The following FBXO36 variants were observed in gnomAD, a reference collection of about 807,000 sequenced individuals.
The protein encoded by FBXO36 is F-box protein 36.
Under a neutral mutation model 17.0 loss-of-function variants are expected in FBXO36, and 18 were observed. The ratio of observed to expected loss-of-function variants is 1.06; its 90% CI spans 0.73 to 1.57. The LOEUF (loss-of-function observed/expected upper bound fraction) is 1.57, where lower values mean the gene tolerates loss of function less well. Among genes scored for constraint, FBXO36 ranks in the 40% most tolerant of loss-of-function variants. The pLI, the probability that FBXO36 is intolerant of heterozygous loss-of-function variation, is 0.00. For missense variants in FBXO36, 229 were observed against 221.9 expected, an observed-to-expected ratio of 1.03 and a Z score of -0.20; for synonymous variants, 83 against 85.3, an observed-to-expected ratio of 0.97 and a Z score of 0.15.
At chr2:229,937,107 A>G (rs2076967956) in intron 1 of FBXO36, among the ~76,000 whole-genome samples, 1 of 152,146 alleles carries the variant, frequency 6.6e-6, no homozygotes, top group South Asian at 2.1e-4. Context: ...AAAGAAAACA[A>G]TGCTAATTAA....
intron 1 of FBXO36, among the ~76,000 whole-genome samples, chr2:229,969,685 GA>G (rs2077171785): frequency 6.6e-6 from 1 of 151,852 alleles, no homozygotes; most frequent in South Asian, 2.1e-4. Flanking sequence ...CTCTGTCTCA[GA>G]AAAATAAAAA....
At chr2:229,930,525 C>A (rs2106153667) in intron 1 of FBXO36, among the ~76,000 whole-genome samples, 1 of 152,068 alleles carries the variant, frequency 6.6e-6, no homozygotes, top group East Asian at 1.9e-4. Context: ...TCAAGGTGGG[C>A]AGATCACCTG....
At chr2:229,985,875 A>C (rs540384987) in intron 2 of FBXO36, among the ~76,000 whole-genome samples, 2 of 151,880 alleles carry the variant, frequency 1.3e-5, no homozygotes, top group African/African-American at 4.8e-5. Flanking sequence ...ATAGTGAGAC[A>C]CTGTCTATAC....
chr2:229,961,221 A>G (rs2077119119), intron 1 of FBXO36, among the ~76,000 whole-genome samples: 3 of 152,086 alleles, frequency 2.0e-5, no homozygotes, highest in Admixed American at 2.0e-4. Flanking sequence ...TTCCATATAT[A>G]CCTGAAGATA....
intron 1 of FBXO36, among the ~76,000 whole-genome samples, chr2:229,972,276 G>A (rs1174724647): frequency 6.6e-6 from 1 of 152,164 alleles, no homozygotes; most frequent in Non-Finnish European, 1.5e-5. Flanking sequence ...GGGATTACAG[G>A]CATGAGCCAC....
Position 230,005,744 on chromosome 2 carries a change from T to C in FBXO36, c.379-4952T>C, listed in dbSNP as rs141653087. Among the ~76,000 whole-genome samples, 3 of 152,318 alleles carry C rather than the reference T, an allele frequency of 2.0e-5. No individual in the cohort carries two copies. The East Asian group carries it at 5.8e-4, about 29-fold the overall frequency. On this transcript the variant is annotated intron_variant, in intron 3 of 3. Coordinates refer to ENST00000283946, the MANE Select transcript of FBXO36 (RefSeq NM_174899.5). ...GTGCAGTGGCACAATCTTCGTTCAT[T>C]GCAGCCTCCGCCTCCCAGATTCCAG... is the stretch of plus-strand genomic sequence containing the variant.
intron 2 of FBXO36, among the ~76,000 whole-genome samples, chr2:229,982,817 A>C (rs1402000860): frequency 1.3e-5 from 2 of 150,682 alleles, no homozygotes; most frequent in Non-Finnish European, 2.9e-5. Context: ...TAATTTAATC[A>C]CATCTGCACA....
chr2:229,984,453 T>A (rs112625541), intron 2 of FBXO36, among the ~76,000 whole-genome samples: 5,483 of 55,660 alleles, frequency 0.099, 366 homozygotes, highest in African/African-American at 0.28. Flanking sequence ...TGCAGTGGCG[T>A]GATCTCGGCT....
At chr2:229,957,954 T>C (rs1309525573) in intron 1 of FBXO36, among the ~76,000 whole-genome samples, 1 of 152,162 alleles carries the variant, frequency 6.6e-6, no homozygotes, top group Non-Finnish European at 1.5e-5. Flanking sequence ...AAGTTGTAAA[T>C]AGTAACTTTT....
chr2:229,978,976 A>G (rs2077224177), intron 2 of FBXO36, among the ~76,000 whole-genome samples: 1 of 152,026 alleles, frequency 6.6e-6, no homozygotes. Flanking sequence ...CAGGAGTTTG[A>G]GACCAGCCTG....
At chr2:229,951,190 C>T (rs1352871953) in intron 1 of FBXO36, among the ~76,000 whole-genome samples, 2 of 152,176 alleles carry the variant, frequency 1.3e-5, no homozygotes, top group African/African-American at 2.4e-5. Flanking sequence ...ACCTCAGCCT[C>T]CCAAAGTGCT....
chr2:229,927,129 G>C (rs2076917092), intron 1 of FBXO36, among the ~76,000 whole-genome samples: 1 of 152,182 alleles, frequency 6.6e-6, no homozygotes. Context: ...CAAAGTTCTG[G>C]GATTACAGGG....
At chr2:229,939,050 TG>T (rs2076982669) in intron 1 of FBXO36, 2 of 143,422 alleles carry the variant, frequency 1.4e-5, no homozygotes, top group African/African-American at 5.5e-5. Context: ...TTTTTTGGTT[TG>T]TTTTTTGTTT....
chr2:229,955,869 A>G (rs973967772), intron 1 of FBXO36, among the ~76,000 whole-genome samples: 2 of 152,232 alleles, frequency 1.3e-5, no homozygotes, highest in East Asian at 3.8e-4. Flanking sequence ...CAGGTTTAAC[A>G]GGTTTATAGA....
intron 1 of FBXO36, among the ~76,000 whole-genome samples, chr2:229,959,320 C>A (rs563135783): frequency 4.1e-4 from 62 of 152,202 alleles, no homozygotes; most frequent in African/African-American, 1.5e-3. Flanking sequence ...AGCATGGCCT[C>A]CCTCATTTTC....
Position 229,992,164 on chromosome 2 carries a change from C to CT in FBXO36, c.206-4575dup, listed in dbSNP as rs1029720343. Among the ~76,000 whole-genome samples, 351 of 145,568 alleles carry CT rather than the reference C, an allele frequency of 2.4e-3. 1 individual carries two copies. Among genetic ancestry groups the CT allele is most frequent in the African/African-American group, 5.5e-3 (220 of 39,934 alleles). ...AAGTTGCATTTTTTTCTCATTTAAT[C>CT]TTTTTTTTTTTTGAGGTGGAGTCTT... On this transcript the variant is annotated intron_variant, in intron 2 of 3. Coordinates refer to ENST00000283946, the MANE Select transcript of FBXO36 (RefSeq NM_174899.5).
intron 1 of FBXO36, among the ~76,000 whole-genome samples, chr2:229,935,410 G>A (rs1313232269): frequency 6.6e-6 from 1 of 152,174 alleles, no homozygotes; most frequent in Non-Finnish European, 1.5e-5. Flanking sequence ...CTACTTGGGA[G>A]GTTGAGGCAG....
In FBXO36 at chr2:229,968,212, CAATT is replaced by C. The variant is rs1577346593; in HGVS notation, c.97-8026_97-8023del. ...AATTAGTATTAAATATTATAATATT[CAATT>C]AAAGTTATGAATTAAAAATGTATTT... is the stretch of plus-strand genomic sequence containing the variant. On this transcript the variant is annotated intron_variant, in intron 1 of 3. Coordinates refer to ENST00000283946, the MANE Select transcript of FBXO36 (RefSeq NM_174899.5). 2.0e-5 allele frequency among the ~76,000 whole-genome samples: 3 copies of C among 151,198 alleles called. No individual in the cohort carries two copies. The East Asian group carries it at 5.8e-4, about 29-fold the overall frequency.
In FBXO36 at chr2:229,939,796, G is replaced by A. The variant is rs192132330; in HGVS notation, c.96+17187G>A. ...CTCCTCGAGACCCTATAGGAGCTAA[G>A]AACCGCCGGGCGCCGTGGCTCACGC... On this transcript the variant is annotated intron_variant, in intron 1 of 3. Transcript: ENST00000283946. Among the ~76,000 whole-genome samples, 305 of 152,284 alleles carry A rather than the reference G, an allele frequency of 2.0e-3. 2 individuals carry two copies. The highest frequency in any genetic ancestry group is 0.014 in the Middle Eastern group (4 of 294).
Sources: gnomAD v4.1 joint callset for allele counts (sites outside exome capture counted in the v4.1 genomes callset) on GRCh38, gnomAD v4.1.1 for gene constraint, MANE v1.5 for transcripts, NCBI Gene and HGNC (gene_info 2026-07-23, HGNC 2026-07-21) for gene names.